The following ANO3 variants were observed in gnomAD, a reference collection of about 807,000 sequenced individuals.
The protein encoded by ANO3 is anoctamin-3.
ANO3 carries 99 observed loss-of-function variants against 144.8 expected under a neutral mutation model. That is an observed-to-expected ratio of 0.68 (90% CI 0.58 to 0.81). The LOEUF is 0.81. Among genes scored for constraint, ANO3 ranks in the 30% least tolerant of loss-of-function variants. ANO3 has a pLI of 0.00. For missense variants in ANO3, 905 were observed against 1,202.2 expected (o/e 0.75, Z 3.66); for synonymous variants, 414 against 392.6 (o/e 1.05, Z -0.64).
intron 23 of ANO3, among the ~76,000 whole-genome samples, chr11:26,645,227 T>G (rs35967832): frequency 6.6e-6 from 1 of 151,830 alleles, no homozygotes; most frequent in African/African-American, 2.4e-5. Context: ...GTCCAGGATT[T>G]TTTTCCCCAA....
At chr11:26,473,795 A>G (rs1033260183) in intron 4 of ANO3, 9 of 268,176 alleles carry the variant, frequency 3.4e-5, no homozygotes, top group Admixed American at 1.3e-4. Flanking sequence ...GACATTAACC[A>G]ATGACACATG....
intron 4 of ANO3, among the ~76,000 whole-genome samples, chr11:26,481,437 T>G (rs1414750227): frequency 6.6e-6 from 1 of 152,202 alleles, no homozygotes; most frequent in East Asian, 1.9e-4. Context: ...TTCTACTACA[T>G]TCACTAATTT....
intron 1 of ANO3, among the ~76,000 whole-genome samples, chr11:26,233,536 G>T (rs61877704): frequency 0.051 from 7,820 of 152,234 alleles, 294 homozygotes; most frequent in Middle Eastern, 0.082. Flanking sequence ...CAGTGTGGTG[G>T]TTCCTCAAGG....
In ANO3 at chr11:26,598,413, A is replaced by G; in HGVS notation, c.1496A>G (p.Tyr499Cys). 1 of 1,594,132 alleles carries G rather than the reference A, an allele frequency of 6.3e-7. No individual in the cohort carries two copies. Among genetic ancestry groups the G allele is most frequent in the Non-Finnish European group, 8.5e-7 (1 of 1,171,380 alleles). Residue 499 changes from tyrosine (Y) to cysteine (C), a missense_variant, in exon 15 of 27, where the codon TAT (tyrosine) becomes TGT (cysteine). Physicochemically the swap from Tyr to Cys is radical, Grantham distance 194 (BLOSUM62 -2). This residue lies in a region of ANO3 where 597 missense variants were observed against 865.1 expected (regional missense o/e 0.69). Transcript: ENST00000256737. Reference protein sequence around the residue: ...FWKRRRSILTYTWDLIEWEEE... With the variant: ...FWKRRRSILTCTWDLIEWEEE... ...AAAAGGAGAAGGAGTATACTGACCT[A>G]TACTTGGGACCTTATCGAATGGGAA...
intron 6 of ANO3, among the ~76,000 whole-genome samples, chr11:26,517,781 G>C (rs1169861137): frequency 1.3e-5 from 2 of 152,022 alleles, no homozygotes; most frequent in Non-Finnish European, 2.9e-5. Context: ...TAGAAGTGCT[G>C]ATATTCTCAA....
intron 11 of ANO3, among the ~76,000 whole-genome samples, chr11:26,546,139 C>T (rs935152916): frequency 4.6e-5 from 7 of 151,934 alleles, no homozygotes; most frequent in African/African-American, 1.7e-4. Context: ...CTTTGCTCCA[C>T]CCCACAGAGG....
intron 3 of ANO3, among the ~76,000 whole-genome samples, chr11:26,446,818 T>C (rs1387308482): frequency 1.3e-5 from 2 of 152,140 alleles, no homozygotes; most frequent in Non-Finnish European, 2.9e-5. Context: ...AAATATTTGT[T>C]CATTGCTTTA....
At chr11:26,642,094 CT>C in intron 22 of ANO3, 65 bp downstream of exon 22, 3 of 1,557,000 alleles carry the variant, frequency 1.9e-6, no homozygotes, top group Non-Finnish European at 2.6e-6. Flanking sequence ...TTCACAGAAG[CT>C]TTGGTTCAAC....
At chr11:26,630,842 G>A (rs761291280) in intron 18 of ANO3, among the ~76,000 whole-genome samples, 25 of 152,204 alleles carry the variant, frequency 1.6e-4, no homozygotes, top group Non-Finnish European at 3.1e-4. Flanking sequence ...CACCAAGCAA[G>A]TTGAATTACT....
rs187944579 is a variant in ANO3 at position 26,411,114 on chromosome 11, A to C, written c.47-30804A>C. Among the ~76,000 whole-genome samples the C allele has an allele frequency of 3.3e-5, 5 of 152,062 alleles. No individual in the cohort carries two copies. In the East Asian group the frequency reaches 7.8e-4, roughly 24 times the overall value. On this transcript the variant is annotated intron_variant, in intron 1 of 26. Transcript: ENST00000256737. ...TTGTAACATGTCACATAGAAAACCTACTCAGATGTAGCTGAGGATTGAAAT... is the reference window on the plus strand; with the variant it reads ...TTGTAACATGTCACATAGAAAACCTCCTCAGATGTAGCTGAGGATTGAAAT...
At chr11:26,398,020 A>T (rs1442259136) in intron 1 of ANO3, among the ~76,000 whole-genome samples, 2 of 152,050 alleles carry the variant, frequency 1.3e-5, no homozygotes, top group African/African-American at 4.8e-5. Context: ...CGAAAAAAAA[A>T]AATCCTTGGA....
intron 3 of ANO3, among the ~76,000 whole-genome samples, chr11:26,455,835 T>A (rs1227158880): frequency 1.3e-5 from 2 of 151,078 alleles, no homozygotes; most frequent in African/African-American, 4.9e-5. Flanking sequence ...GCTACAAGGC[T>A]ACAGTAACCA....
At chr11:26,387,775 G>A (rs1013343280) in intron 1 of ANO3, among the ~76,000 whole-genome samples, 3 of 152,104 alleles carry the variant, frequency 2.0e-5, no homozygotes, top group Non-Finnish European at 4.4e-5. Flanking sequence ...AATCAGGGAT[G>A]TTTCTCTCCA....
chr11:26,423,571 A>G (rs964740852), intron 1 of ANO3, among the ~76,000 whole-genome samples: 1 of 151,998 alleles, frequency 6.6e-6, no homozygotes, highest in African/African-American at 2.4e-5. Flanking sequence ...AAAAAAGATC[A>G]ACGTAAGAAA....
intron 1 of ANO3, among the ~76,000 whole-genome samples, chr11:26,235,490 C>T (rs1390329696): frequency 6.6e-6 from 1 of 151,618 alleles, no homozygotes; most frequent in African/African-American, 2.4e-5. Context: ...TCTCATTATC[C>T]ATAATGTATT....
chr11:26,260,530 T>G (rs1263460282), intron 1 of ANO3, among the ~76,000 whole-genome samples: 1 of 151,884 alleles, frequency 6.6e-6, no homozygotes. Flanking sequence ...GAACAGTCCT[T>G]AAGGGGGCCT....
chr11:26,306,974 A>G (rs1381846918), upstream of ANO3, among the ~76,000 whole-genome samples: 1 of 152,140 alleles, frequency 6.6e-6, no homozygotes, highest in East Asian at 1.9e-4. Flanking sequence ...AAATTCCCAT[A>G]TAATCTATGG....
chr11:26,584,025 T>C (rs1323930895), intron 14 of ANO3, among the ~76,000 whole-genome samples: 1 of 152,234 alleles, frequency 6.6e-6, no homozygotes, highest in Admixed American at 6.5e-5. Flanking sequence ...ATTAAAAGTA[T>C]AGTACCGTGG....
At chr11:26,338,427 GCTCTGTAAAATGGACCAATCAGCA>G (rs1855251721) in intron 1 of ANO3, among the ~76,000 whole-genome samples, 1 of 152,106 alleles carries the variant, frequency 6.6e-6, no homozygotes, top group African/African-American at 2.4e-5. Context: ...ACCTATCAGT[GCTCTGTAAAATGGACCAATCAGCA>G]CTCTGTAAAA....
Sources: gnomAD v4.1 joint callset for allele counts (sites outside exome capture counted in the v4.1 genomes callset) on GRCh38, gnomAD v4.1.1 for gene constraint, gnomAD v4.1.1 regional missense constraint, MANE v1.5 for transcripts, NCBI Gene and HGNC (gene_info 2026-07-23, HGNC 2026-07-21) for gene names.